The following PARN variants were observed in gnomAD, a reference collection of about 807,000 sequenced individuals.
PARN encodes the protein poly(A)-specific ribonuclease, also known as poly(A)-specific ribonuclease PARN.
Under a neutral mutation model 102.8 loss-of-function variants are expected in PARN, and 71 were observed. The ratio of observed to expected loss-of-function variants is 0.69; its 90% CI spans 0.57 to 0.84. PARN has a LOEUF of 0.84. PARN is among the 40% of genes least tolerant of loss of function. The pLI, the probability that PARN is intolerant of heterozygous loss-of-function variation, is 0.00. For synonymous variants in PARN, 261 were observed against 252.9 expected, an observed-to-expected ratio of 1.03 and a Z score of -0.30; for missense variants, 782 against 760.9, an observed-to-expected ratio of 1.03 and a Z score of -0.33.
intron 22 of PARN, among the ~76,000 whole-genome samples, chr16:14,451,889 A>AAT (rs1961476935): frequency 7.4e-6 from 1 of 135,046 alleles, no homozygotes; most frequent in Non-Finnish European, 1.6e-5. Flanking sequence ...AAAAAAAAAA[A>AAT]AAATACAAAA....
intron 3 of PARN, 26 bp downstream of exon 3, chr16:14,628,146 A>T: frequency 2.2e-6 from 3 of 1,336,014 alleles, no homozygotes; most frequent in South Asian, 2.4e-5. Context: ...TGAGAAAGAA[A>T]AAGATTTCCT....
At chr16:14,485,749 G>T (rs1379206496) in intron 21 of PARN, among the ~76,000 whole-genome samples, 1 of 151,774 alleles carries the variant, frequency 6.6e-6, no homozygotes, top group East Asian at 1.9e-4. Flanking sequence ...GTATAGTGGC[G>T]CCATCTAGGC....
chr16:14,620,174 G>C (rs941452281), intron 5 of PARN, among the ~76,000 whole-genome samples: 1 of 150,996 alleles, frequency 6.6e-6, no homozygotes, highest in East Asian at 1.9e-4. Flanking sequence ...TCAGGAGATC[G>C]AGACCACCCT....
chr16:14,557,400 TACAAA>T (rs1967757608), intron 18 of PARN, among the ~76,000 whole-genome samples: 1 of 151,392 alleles, frequency 6.6e-6, no homozygotes, highest in South Asian at 2.1e-4. Context: ...CTACTAAAAA[TACAAA>T]AATTCGCTGG....
At chr16:14,456,611 C>T (rs1961690621) in intron 22 of PARN, among the ~76,000 whole-genome samples, 1 of 152,064 alleles carries the variant, frequency 6.6e-6, no homozygotes. Context: ...TGTATATGAC[C>T]CTTTTAAGCT....
intron 13 of PARN, among the ~76,000 whole-genome samples, chr16:14,591,018 G>C (rs1970164655): frequency 6.6e-6 from 1 of 152,168 alleles, no homozygotes; most frequent in Non-Finnish European, 1.5e-5. Context: ...GGGAGGCTGA[G>C]GCAGGAGGAC....
chr16:14,439,981 C>T (rs1434484040), intron 23 of PARN, among the ~76,000 whole-genome samples: 2 of 152,158 alleles, frequency 1.3e-5, no homozygotes, highest in East Asian at 3.8e-4. Context: ...TGCCACTGCA[C>T]TCCAGTCTGG....
chr16:14,550,739 AAAC>A (rs1967245904), intron 21 of PARN, among the ~76,000 whole-genome samples: 1 of 152,214 alleles, frequency 6.6e-6, no homozygotes, highest in Non-Finnish European at 1.5e-5. Flanking sequence ...TTAAAGTAAA[AAAC>A]AAACACATCA....
chr16:14,555,782 G>T, intron 18 of PARN, 73 bp from the exon 19 acceptor site: 3 of 709,018 alleles, frequency 4.2e-6, no homozygotes, highest in Non-Finnish European at 6.7e-6. Context: ...TTTTAAGGTT[G>T]AATTAGAAAA....
At chr16:14,561,811 A>G (rs1224209848) in intron 18 of PARN, among the ~76,000 whole-genome samples, 1 of 152,268 alleles carries the variant, frequency 6.6e-6, no homozygotes, top group Non-Finnish European at 1.5e-5. Context: ...CTGTCTACAC[A>G]ATAAATAAAC....
intron 21 of PARN, among the ~76,000 whole-genome samples, chr16:14,532,581 C>G (rs1408120562): frequency 6.6e-6 from 1 of 152,232 alleles, no homozygotes; most frequent in African/African-American, 2.4e-5. Context: ...CACACAGACA[C>G]GGCAACCATC....
intron 15 of PARN, 77 bp from the exon 16 acceptor site, chr16:14,584,499 CAAA>C (rs374880534): frequency 1.7e-6 from 2 of 1,178,966 alleles, no homozygotes; most frequent in Non-Finnish European, 2.5e-6. Context: ...CTGACCCCCC[CAAA>C]AAAAAGACAG....
In PARN at chr16:14,607,559, A is replaced by G. The variant is rs535250164; in HGVS notation, c.659+722T>C. 3.9e-5 allele frequency among the ~76,000 whole-genome samples: 6 copies of G among 152,270 alleles called. No homozygotes were observed. The East Asian group carries it at 1.2e-3, about 29-fold the overall frequency. On this transcript the variant is annotated intron_variant, in intron 9 of 23. Coordinates refer to ENST00000437198, the MANE Select transcript of PARN (RefSeq NM_002582.4). ...TATAAAGAGGAGGTTTTAGATGGCC[A>G]GCTCTGCTGTAGTTTTGCATGGTAT...
intron 22 of PARN, among the ~76,000 whole-genome samples, chr16:14,472,854 T>C (rs1962825461): frequency 6.6e-6 from 1 of 152,206 alleles, no homozygotes; most frequent in South Asian, 2.1e-4. Context: ...AGGAATACAC[T>C]TTCTTCTCAA....
intron 18 of PARN, among the ~76,000 whole-genome samples, chr16:14,574,019 A>T (rs1384600603): frequency 6.6e-6 from 1 of 152,262 alleles, no homozygotes; most frequent in Non-Finnish European, 1.5e-5. Context: ...GGTAACAGGC[A>T]GAGGCCGGAA....
chr16:14,573,117 A>G (rs1381706998), intron 18 of PARN, among the ~76,000 whole-genome samples: 1 of 152,040 alleles, frequency 6.6e-6, no homozygotes, highest in Non-Finnish European at 1.5e-5. Flanking sequence ...CCTGGCCTCA[A>G]GCAATCCACC....
intron 18 of PARN, among the ~76,000 whole-genome samples, chr16:14,574,660 C>A (rs1969006390): frequency 6.6e-6 from 1 of 152,078 alleles, no homozygotes. Flanking sequence ...TTGCAGTGAG[C>A]CGAGATTGTG....
chr16:14,533,532 A>T (rs1049759998), intron 21 of PARN, among the ~76,000 whole-genome samples: 1 of 150,888 alleles, frequency 6.6e-6, no homozygotes, highest in African/African-American at 2.4e-5. Flanking sequence ...AGTAAAATCC[A>T]TGTTTCCACG....
intron 18 of PARN, among the ~76,000 whole-genome samples, chr16:14,566,968 C>T (rs1968475130): frequency 6.6e-6 from 1 of 152,228 alleles, no homozygotes; most frequent in Non-Finnish European, 1.5e-5. Flanking sequence ...GCAGTCCCTT[C>T]CCTGAAGTAG....
Sources: gnomAD v4.1 joint callset for allele counts (sites outside exome capture counted in the v4.1 genomes callset) on GRCh38, gnomAD v4.1.1 for gene constraint, MANE v1.5 for transcripts, NCBI Gene and HGNC (gene_info 2026-07-23, HGNC 2026-07-21) for gene names.